The following RPS24 variants were observed in gnomAD, a reference collection of about 807,000 sequenced individuals.
The protein encoded by RPS24 is small ribosomal subunit protein eS24.
For missense variants in RPS24, 100 were observed against 162.5 expected, an observed-to-expected ratio of 0.62 and a Z score of 2.09; for synonymous variants, 72 against 55.6, an observed-to-expected ratio of 1.30 and a Z score of -1.31.
intron 4 of RPS24, chr10:78,048,929 C>T (rs1848072125): frequency 6.6e-6 from 1 of 151,028 alleles, no homozygotes; most frequent in South Asian, 2.1e-4. Context: ...TTGTTAACTG[C>T]AGCTGTCCTT....
At chr10:78,052,136 G>A (rs997681934) in intron 4 of RPS24, among the ~76,000 whole-genome samples, 5 of 151,878 alleles carry the variant, frequency 3.3e-5, no homozygotes, top group Non-Finnish European at 5.9e-5. Context: ...AGCAATTCTC[G>A]TGTCTCAGCC....
chr10:78,040,201 C>G lies in RPS24; in HGVS notation c.391-3C>G. 2 of 1,613,346 alleles carry G rather than the reference C, an allele frequency of 1.2e-6. No individual in the cohort carries two copies. The highest frequency in any genetic ancestry group is 2.2e-5 in the East Asian group (1 of 44,878). On this transcript the variant is annotated splice_region_variant and splice_polypyrimidine_tract_variant and intron_variant, in intron 4 of 5. Transcript: ENST00000372360. ...CTTTTTCCCTTCCCCGCCACTGATT[C>G]AGTGAGCTGGAGATTGGATCACAGG...
intron 4 of RPS24, chr10:78,054,512 C>T: frequency 6.6e-7 from 1 of 1,518,132 alleles, no homozygotes; most frequent in Non-Finnish European, 8.9e-7. Context: ...AGACTATTCT[C>T]TCCTTCCCGC....
At chr10:78,045,483 T>G (rs1001930329), downstream of RPS24, among the ~76,000 whole-genome samples, 1 of 151,914 alleles carries the variant, frequency 6.6e-6, no homozygotes, top group African/African-American at 2.4e-5. Context: ...GTGGGGGCTT[T>G]CTTTTTTTCT....
chr10:78,035,455 T>C (rs780165652), intron 2 of RPS24, 38 bp downstream of exon 2: 1 of 1,613,238 alleles, frequency 6.2e-7, no homozygotes, highest in Admixed American at 1.7e-5. Flanking sequence ...TAATTGTCCT[T>C]TACTCTAAAG....
chr10:78,055,210 G>T lies in RPS24; in HGVS notation c.*200G>T, dbSNP rs1226955895. On this transcript the variant is annotated 3_prime_UTR_variant, in exon 5 of 5. Transcript: ENST00000440692. The stretch of plus-strand genomic sequence containing the variant: ...ACGCCCCCACAATCCCCCACGACCT[G>T]GCCACTGGCCTCCCACCACCTTCCA... 6.4e-6 allele frequency: 5 copies of T among 785,108 alleles called. No individual in the cohort carries two copies. The African/African-American group carries it at 8.9e-5, about 14-fold the overall frequency. The allele number at this position is 785,108 out of a possible 1,614,324, so 48.6% of individuals were successfully genotyped here.
At chr10:78,040,143 C>T in intron 4 of RPS24, 61 bp from the exon 5 acceptor site, 1 of 1,510,972 alleles carries the variant, frequency 6.6e-7, no homozygotes, top group Non-Finnish European at 9.2e-7. Context: ...TGAAAAGGGA[C>T]TATTAATGAA....
At chr10:78,044,520 GTA>G, downstream of RPS24, among the ~76,000 whole-genome samples, 1 of 152,274 alleles carries the variant, frequency 6.6e-6, no homozygotes. Context: ...GAGCACAGAA[GTA>G]TGACACCTGA....
At chr10:78,039,117 T>C (rs1207020723) in intron 4 of RPS24, 2 of 152,230 alleles carry the variant, frequency 1.3e-5, no homozygotes, top group Admixed American at 1.3e-4. Flanking sequence ...TGCCCAGGAC[T>C]GTAATCACAT....
chr10:78,052,293 T>C (rs937461314), intron 4 of RPS24, among the ~76,000 whole-genome samples: 3 of 152,270 alleles, frequency 2.0e-5, no homozygotes, highest in East Asian at 1.9e-4. Context: ...CCCAAAGTGC[T>C]GGGATTACAG....
At chr10:78,035,792 G>T in intron 3 of RPS24, 72 bp downstream of exon 3, 1 of 1,280,520 alleles carries the variant, frequency 7.8e-7, no homozygotes, top group Non-Finnish European at 1.1e-6. Flanking sequence ...TGTGAGTGTG[G>T]TAAAAAGGGC....
intron 1 of RPS24, chr10:78,034,334 C>A: frequency 3.9e-6 from 1 of 259,640 alleles, no homozygotes; most frequent in Non-Finnish European, 7.6e-6. Flanking sequence ...AAACCATTCC[C>A]ACGTGTAAGC....
chr10:78,037,377 TATTA>T (rs1847895055), intron 4 of RPS24, 73 bp downstream of exon 4: 5 of 1,512,022 alleles, frequency 3.3e-6, no homozygotes, highest in East Asian at 2.5e-5. Context: ...GAAGGGATCT[TATTA>T]ATTTTTAAAA....
intron 4 of RPS24, among the ~76,000 whole-genome samples, chr10:78,052,590 G>A (rs957849337): frequency 1.3e-5 from 2 of 152,168 alleles, no homozygotes; most frequent in African/African-American, 4.8e-5. Context: ...GGCACGGCAG[G>A]TTCTGCTCTG....
At chr10:78,055,027 G>C (rs765237160) in exon 5 of RPS24, 1 of 1,456,446 alleles carries the variant, frequency 6.9e-7, no homozygotes, top group Non-Finnish European at 9.1e-7. Context: ...TGCCATGGCC[G>C]CCTTGCTGCA....
At chr10:78,042,962 A>C (rs1179312885), downstream of RPS24, among the ~76,000 whole-genome samples, 1 of 152,026 alleles carries the variant, frequency 6.6e-6, no homozygotes, top group East Asian at 1.9e-4. Context: ...GTGCTGTCCT[A>C]AACTCTGAAC....
chr10:78,035,294 A>G (rs368038287), intron 1 of RPS24, 58 bp from the exon 2 acceptor site: 65 of 1,529,114 alleles, frequency 4.3e-5, no homozygotes, highest in Middle Eastern at 3.8e-4. Flanking sequence ...TTGGAAAATC[A>G]CAGCAAGGCC....
downstream of RPS24, among the ~76,000 whole-genome samples, chr10:78,042,082 G>T (rs1176333353): frequency 6.6e-6 from 1 of 152,182 alleles, no homozygotes; most frequent in Non-Finnish European, 1.5e-5. Flanking sequence ...CATAACATTT[G>T]GAAACTTGGC....
At chr10:78,044,648 G>C (rs1290446267), downstream of RPS24, among the ~76,000 whole-genome samples, 1 of 151,494 alleles carries the variant, frequency 6.6e-6, no homozygotes, top group African/African-American at 2.4e-5. Flanking sequence ...CCGCATGCCA[G>C]ATGTTGAGGG....
Sources: allele counts gnomAD v4.1 joint callset (sites outside exome capture counted in the v4.1 genomes callset), GRCh38; gene constraint gnomAD v4.1.1; transcripts MANE v1.5; gene names NCBI Gene and HGNC (gene_info 2026-07-23, HGNC 2026-07-21).